ZMAT2: variants seen among roughly 807,000 people sequenced by gnomAD.
ZMAT2 encodes the protein zinc finger matrin-type protein 2.
Under a neutral mutation model 27.5 loss-of-function variants are expected in ZMAT2, and 5 were observed. The ratio of observed to expected loss-of-function variants is 0.18; its 90% confidence interval spans 0.10 to 0.38. ZMAT2 has a LOEUF of 0.38. Among genes scored for constraint, ZMAT2 ranks in the 10% least tolerant of loss-of-function variants. The pLI is 1.00. For missense variants in ZMAT2, 124 were observed against 243.9 expected, an observed-to-expected ratio of 0.51 and a Z score of 3.27; for synonymous variants, 76 against 78.6, an observed-to-expected ratio of 0.97 and a Z score of 0.17.
chr5:140,704,670 G>T, intron 5 of ZMAT2, 99 bp downstream of exon 5: 1 of 1,296,510 alleles, frequency 7.7e-7, no homozygotes, highest in Non-Finnish European at 1.1e-6. Context: ...CCCACCCCCA[G>T]AGTTGTATCT....
intron 4 of ZMAT2, 55 bp downstream of exon 4, chr5:140,704,046 G>A (rs1760008989): frequency 3.9e-6 from 6 of 1,519,806 alleles, no homozygotes; most frequent in African/African-American, 1.4e-5. Flanking sequence ...TGGAGGTGGG[G>A]TGGAATGGAA....
Position 140,705,886 on chromosome 5 carries a change from GGT to G in ZMAT2, c.*132_*133del. ...AGAGTGTCAATGGGGAGGGATAGAG[GGT>G]GGGGGCTCATGGTTTCCCTCTACTT... is the stretch of plus-strand genomic sequence containing the variant. On this transcript the variant is annotated 3_prime_UTR_variant, in exon 6 of 6. Transcript: ENST00000274712. 3.2e-6 allele frequency: 4 copies of G among 1,250,872 alleles called. No homozygotes were observed. The highest frequency in any genetic ancestry group is 1.7e-5 in the South Asian group (1 of 59,772). 77.5% of individuals were successfully genotyped at this position (1,250,872 alleles called of 1,614,324 possible).
intron 3 of ZMAT2, 94 bp from the exon 4 acceptor site, chr5:140,703,824 A>G: frequency 8.5e-7 from 1 of 1,174,512 alleles, no homozygotes; most frequent in African/African-American, 1.5e-5. Flanking sequence ...TAACACTTCT[A>G]AAAAGAAGTT....
intron 3 of ZMAT2, among the ~76,000 whole-genome samples, chr5:140,702,460 A>G (rs1328496294): frequency 6.6e-6 from 1 of 152,168 alleles, no homozygotes; most frequent in East Asian, 1.9e-4. Context: ...ACACAGTGAG[A>G]CCCTGTCTCA....
Position 140,701,053 on chromosome 5 carries a change from A to G in ZMAT2, c.112+141A>G, listed in dbSNP as rs186501673. ...TGCTTCCCTGGGCCTAGGTTTCTGC[A>G]TTTACAAAATGAGAGCGAGGAGGTG... is the stretch of plus-strand genomic sequence containing the variant. On this transcript the variant is annotated intron_variant, in intron 2 of 5. Coordinates refer to ENST00000274712, the MANE Select transcript of ZMAT2 (RefSeq NM_144723.3). 22 of 770,380 alleles carry G rather than the reference A, an allele frequency of 2.9e-5. No individual in the cohort carries two copies. The Admixed American group carries it at 5.9e-4, about 21-fold the overall frequency. The allele number at this position is 770,380 out of a possible 1,614,324, so 47.7% of individuals were successfully genotyped here.
In ZMAT2 at chr5:140,705,693, G is replaced by A; in HGVS notation, c.537G>A (p.Glu179=). 1 of 1,614,150 alleles carries A rather than the reference G, an allele frequency of 6.2e-7. No homozygotes were observed. Among genetic ancestry groups the A allele is most frequent in the Non-Finnish European group, 8.5e-7 (1 of 1,180,020 alleles). ...RRAEEDLTFE[E]DDEMAAVMGF... ...CTGAGGAGGACTTGACATTTGAGGA[G>A]GACGATGAGATGGCAGCTGTGATGG... is the stretch of plus-strand genomic sequence containing the variant. Residue 179 remains glutamate, a synonymous_variant, in exon 6 of 6, where the codon GAG becomes GAA. Transcript: ENST00000274712.
At chr5:140,700,541 G>C (rs969838625) in intron 1 of ZMAT2, 63 bp downstream of exon 1, 13 of 1,609,864 alleles carry the variant, frequency 8.1e-6, no homozygotes. Context: ...GACCTGAATA[G>C]AGACAAACTC....
chr5:140,702,081 G>T lies in ZMAT2; in HGVS notation c.188G>T (p.Gly63Val), dbSNP rs371202115. Residue 63 changes from glycine to valine, a missense_variant, in exon 3 of 6, where the codon GGG becomes GTG. By Grantham distance (109) the Gly-to-Val change is moderately radical (BLOSUM62 -3). Transcript: ENST00000274712. ...AAGGTGGACTTGGAATCCAAGCTTG[G>T]GAAGACAATTGTCATTACCAAGACA... is the stretch of plus-strand genomic sequence containing the variant. Reference protein sequence around the residue: ...DYKVDLESKLGKTIVITKTTP... With the variant: ...DYKVDLESKLVKTIVITKTTP... The T allele has an allele frequency of 6.2e-7, 1 of 1,613,522 alleles. No individual in the cohort carries two copies. Among genetic ancestry groups the T allele is most frequent in the African/African-American group, 1.3e-5 (1 of 75,022 alleles).
At chr5:140,703,496 AGT>A (rs1760001433) in intron 3 of ZMAT2, among the ~76,000 whole-genome samples, 1 of 152,016 alleles carries the variant, frequency 6.6e-6, no homozygotes, top group South Asian at 2.1e-4. Flanking sequence ...GGCCTCCCAA[AGT>A]GCTGGGATTA....
At chr5:140,704,973 A>G (rs1238229178) in intron 5 of ZMAT2, among the ~76,000 whole-genome samples, 2 of 152,218 alleles carry the variant, frequency 1.3e-5, no homozygotes, top group Non-Finnish European at 2.9e-5. Context: ...TGCTCAGAAC[A>G]CATTAGCCTA....
chr5:140,704,524 C>A lies in ZMAT2; in HGVS notation c.409C>A (p.Gln137Lys). 1 of 1,614,002 alleles carries A rather than the reference C, an allele frequency of 6.2e-7. No individual in the cohort carries two copies. The highest frequency in any genetic ancestry group is 8.5e-7 in the Non-Finnish European group (1 of 1,180,006). The change falls in exon 5 of 6, where the codon CAG (glutamine) becomes AAG (lysine). Residue 137 changes from glutamine (Q) to lysine (K), a missense_variant. By Grantham distance (53) the Gln-to-Lys change is moderately conservative. Transcript: ENST00000274712. Reference sequence around the variant, plus strand: ...CAACAAGAAGAAGATGGAAGAGAAGCAGAAGGATTATGATTTTGAGGAAAG... The same window carrying A: ...CAACAAGAAGAAGATGGAAGAGAAGAAGAAGGATTATGATTTTGAGGAAAG... ...EVNKKKMEEK[Q>K]KDYDFEERMK...
chr5:140,702,075 A>C lies in ZMAT2; in HGVS notation c.182A>C (p.Lys61Thr). Reference protein sequence around the residue: ...HRDYKVDLESKLGKTIVITKT... With the variant: ...HRDYKVDLESTLGKTIVITKT... ...GACTACAAGGTGGACTTGGAATCCA[A>C]GCTTGGGAAGACAATTGTCATTACC... The change falls in exon 3 of 6, where the codon AAG becomes ACG. Residue 61 changes from lysine to threonine, a missense_variant. Coordinates refer to ENST00000274712, the MANE Select transcript of ZMAT2 (RefSeq NM_144723.3). The C allele has an allele frequency of 6.2e-7, 1 of 1,613,708 alleles. No individual in the cohort carries two copies. The highest frequency in any genetic ancestry group is 8.5e-7 in the Non-Finnish European group (1 of 1,179,820).
chr5:140,704,242 T>G (rs1760011544), intron 4 of ZMAT2, among the ~76,000 whole-genome samples, 184 bp from the exon 5 acceptor site: 1 of 152,188 alleles, frequency 6.6e-6, no homozygotes. Flanking sequence ...CTGGAGGCCA[T>G]GAGGCTTTCA....
chr5:140,701,378 T>C (rs545523981), intron 2 of ZMAT2, among the ~76,000 whole-genome samples: 1 of 152,300 alleles, frequency 6.6e-6, no homozygotes, highest in South Asian at 2.1e-4. Context: ...CAGCTAGAGC[T>C]TAGTAGTGCT....
intron 5 of ZMAT2, among the ~76,000 whole-genome samples, chr5:140,705,154 GCAT>G (rs1255975495): frequency 9.2e-5 from 14 of 152,108 alleles, no homozygotes; most frequent in African/African-American, 3.4e-4. Context: ...AATCTTGTCA[GCAT>G]CATAAGTTGA....
chr5:140,705,289 C>T lies in ZMAT2; in HGVS notation c.457-324C>T, dbSNP rs1310848121. 3.3e-5 allele frequency among the ~76,000 whole-genome samples: 5 copies of T among 150,914 alleles called. No individual in the cohort carries two copies. In the South Asian group the frequency reaches 1.1e-3, roughly 32 times the overall value. On this transcript the variant is annotated intron_variant, in intron 5 of 5. Coordinates refer to ENST00000274712, the MANE Select transcript of ZMAT2 (RefSeq NM_144723.3). ...AAAGATTTCCCATATACCCACTGTCCCCCACAACATGCATAGCCTCCCCCA... is the reference window on the plus strand; with the variant it reads ...AAAGATTTCCCATATACCCACTGTCTCCCACAACATGCATAGCCTCCCCCA...
chr5:140,701,564 A>G (rs1167807797), intron 2 of ZMAT2, among the ~76,000 whole-genome samples: 1 of 152,240 alleles, frequency 6.6e-6, no homozygotes, highest in Admixed American at 6.5e-5. Flanking sequence ...TGTAAAATAA[A>G]TAGTGCTTGA....
At chr5:140,702,171 C>A (rs1182875778) in intron 3 of ZMAT2, 42 bp downstream of exon 3, 3 of 1,603,058 alleles carry the variant, frequency 1.9e-6, no homozygotes, top group Non-Finnish European at 2.6e-6. Flanking sequence ...AAGAATGCAT[C>A]TAATAAGCCA....
In ZMAT2 at chr5:140,706,263, T is replaced by A. The variant is rs1400505499; in HGVS notation, c.*507T>A. 1 of 155,290 alleles carries A rather than the reference T, an allele frequency of 6.4e-6. No individual in the cohort carries two copies. The highest frequency in any genetic ancestry group is 1.4e-5 in the Non-Finnish European group (1 of 69,598). The allele number at this position is 155,290 out of a possible 1,614,324, so 9.6% of individuals were successfully genotyped here. On this transcript the variant is annotated 3_prime_UTR_variant, in exon 6 of 6. Coordinates refer to ENST00000274712, the MANE Select transcript of ZMAT2 (RefSeq NM_144723.3). ...CTCTAGCCACCTGTGCATGCATGTG[T>A]ATTTCTGCCTGGTTCTATGGTGTGT...
Sources: gnomAD v4.1 joint callset for allele counts (sites outside exome capture counted in the v4.1 genomes callset) on GRCh38, gnomAD v4.1.1 for gene constraint, MANE v1.5 for transcripts, NCBI Gene and HGNC (gene_info 2026-07-23, HGNC 2026-07-21) for gene names.